The following SNTB1 variants were observed in gnomAD, a reference collection of about 807,000 sequenced individuals.
The protein encoded by SNTB1 is beta-1-syntrophin.
A neutral mutation model predicts 48.9 loss-of-function variants in SNTB1; 36 were observed. The observed-to-expected ratio is 0.74, with a 90% CI of 0.56 to 0.97. The LOEUF is 0.97. Among genes scored for constraint, SNTB1 ranks in the 50% least tolerant of loss-of-function variants. The pLI is 0.00. For missense variants in SNTB1, 786 were observed against 703.4 expected, an observed-to-expected ratio of 1.12 and a Z score of -1.33; for synonymous variants, 299 against 294.6, an observed-to-expected ratio of 1.01 and a Z score of -0.15.
chr8:120,656,234 C>T (rs1255386687), intron 2 of SNTB1, among the ~76,000 whole-genome samples: 1 of 152,046 alleles, frequency 6.6e-6, no homozygotes, highest in Admixed American at 6.6e-5. Context: ...GAAAAAGAAA[C>T]CAGAAGAGGT....
intron 3 of SNTB1, among the ~76,000 whole-genome samples, chr8:120,616,795 T>G (rs1259425490): frequency 6.6e-6 from 1 of 152,210 alleles, no homozygotes. Context: ...CAAAGAGTAG[T>G]TTTTATTCTC....
At chr8:120,757,034 A>G (rs569629222) in intron 1 of SNTB1, among the ~76,000 whole-genome samples, 68 of 152,316 alleles carry the variant, frequency 4.5e-4, no homozygotes, top group African/African-American at 1.6e-3. Context: ...TTGATATAAG[A>G]ATAATAATGA....
intron 3 of SNTB1, among the ~76,000 whole-genome samples, chr8:120,621,143 A>G (rs955870196): frequency 6.6e-6 from 1 of 151,770 alleles, no homozygotes; most frequent in African/African-American, 2.4e-5. Flanking sequence ...TATTTTCAGT[A>G]GAGACGAGGT....
chr8:120,734,792 A>T (rs1268312604), intron 1 of SNTB1, among the ~76,000 whole-genome samples: 1 of 152,218 alleles, frequency 6.6e-6, no homozygotes, highest in Non-Finnish European at 1.5e-5. Flanking sequence ...ACTAAACTGG[A>T]TGATGGCTGC....
At chr8:120,600,823 A>G (rs1816410317) in intron 3 of SNTB1, among the ~76,000 whole-genome samples, 1 of 151,592 alleles carries the variant, frequency 6.6e-6, no homozygotes, top group Non-Finnish European at 1.5e-5. Context: ...CTGTGGGGTG[A>G]AGGAAGCACA....
At chr8:120,661,185 T>G (rs1817581781) in intron 2 of SNTB1, among the ~76,000 whole-genome samples, 1 of 150,508 alleles carries the variant, frequency 6.6e-6, no homozygotes, top group Non-Finnish European at 1.5e-5. Context: ...GTCACAAACC[T>G]TCAATTTGTT....
chr8:120,706,676 T>C (rs1305788391), intron 1 of SNTB1, among the ~76,000 whole-genome samples: 1 of 152,190 alleles, frequency 6.6e-6, no homozygotes. Context: ...TACTCTTTGC[T>C]AGACAGAAGA....
chr8:120,593,793 T>C (rs1029271869), intron 3 of SNTB1, among the ~76,000 whole-genome samples: 43 of 152,204 alleles, frequency 2.8e-4, no homozygotes, highest in South Asian at 1.2e-3. Flanking sequence ...AATCACCTCA[T>C]CTGGAAAGCT....
Position 120,582,763 on chromosome 8 carries a change from A to G in SNTB1, c.997-7538T>C, listed in dbSNP as rs548740731. ...ATCACACACTGGGGCCTGTCGGGGG[A>G]TGGGGGACAAGGGGAGGGAGAGCAT... On this transcript the variant is annotated intron_variant, in intron 3 of 6. Transcript: ENST00000517992. Among the ~76,000 whole-genome samples the G allele has an allele frequency of 9.3e-5, 14 of 150,040 alleles. No homozygotes were observed. In the South Asian group the frequency reaches 2.6e-3, roughly 28 times the overall value.
intron 2 of SNTB1, among the ~76,000 whole-genome samples, chr8:120,655,209 G>A (rs979511431): frequency 1.3e-5 from 2 of 152,052 alleles, no homozygotes; most frequent in Non-Finnish European, 1.5e-5. Flanking sequence ...AACCTTTTGC[G>A]ATAATGTCAT....
chr8:120,672,661 A>G (rs1359107986), intron 2 of SNTB1, among the ~76,000 whole-genome samples: 1 of 152,240 alleles, frequency 6.6e-6, no homozygotes, highest in Non-Finnish European at 1.5e-5. Context: ...GAAGTGACTT[A>G]TTTCACATAA....
intron 1 of SNTB1, among the ~76,000 whole-genome samples, chr8:120,713,893 C>T (rs1818509974): frequency 6.6e-6 from 1 of 152,006 alleles, no homozygotes; most frequent in Non-Finnish European, 1.5e-5. Context: ...AGATAATGTA[C>T]ATTATTACCT....
rs920187503 is a variant in SNTB1 at position 120,739,180 on chromosome 8, T to A, written c.572-45272A>T. On this transcript the variant is annotated intron_variant, in intron 1 of 6. Transcript: ENST00000517992. ...GCTCTGGAAAAACCCCAATGCATTATTTAAAAGCCTTCTCTTTTTTACCTG... is the reference window on the plus strand; with the variant it reads ...GCTCTGGAAAAACCCCAATGCATTAATTAAAAGCCTTCTCTTTTTTACCTG... Among the ~76,000 whole-genome samples the A allele has an allele frequency of 2.0e-5, 3 of 152,218 alleles. No individual in the cohort carries two copies. In the East Asian group the frequency reaches 5.8e-4, roughly 29 times the overall value.
chr8:120,780,360 C>T (rs1587157253), intron 1 of SNTB1, among the ~76,000 whole-genome samples: 1 of 152,190 alleles, frequency 6.6e-6, no homozygotes, highest in African/African-American at 2.4e-5. Flanking sequence ...CCATTAACAT[C>T]AGTGTTTTCT....
At chr8:120,692,211 T>C (rs1818140577) in intron 2 of SNTB1, among the ~76,000 whole-genome samples, 1 of 152,136 alleles carries the variant, frequency 6.6e-6, no homozygotes, top group South Asian at 2.1e-4. Context: ...GGCAGCGTCC[T>C]TAGAGTGAGC....
In SNTB1 at chr8:120,811,329, G is replaced by A. The variant is rs778131866; in HGVS notation, c.515C>T (p.Thr172Ile). 6.2e-7 allele frequency: 1 copy of A among 1,611,712 alleles called. No individual in the cohort carries two copies. Among genetic ancestry groups the A allele is most frequent in the Non-Finnish European group, 8.5e-7 (1 of 1,179,750 alleles). ...CAACGCCTGCACCGCCTCGTCGTGG[G>A]TGGCGTCCCGCAGGTCGGCTCCGTT... is the stretch of plus-strand genomic sequence containing the variant. ...SVNGADLRDATHDEAVQALKR... is the reference protein window; with the variant it reads ...SVNGADLRDAIHDEAVQALKR... Residue 172 changes from threonine (T) to isoleucine (I), a missense_variant, in exon 1 of 7, where the codon ACC (threonine) becomes ATC (isoleucine). Coordinates refer to ENST00000517992, the MANE Select transcript of SNTB1 (RefSeq NM_021021.4).
intron 2 of SNTB1, among the ~76,000 whole-genome samples, chr8:120,651,564 T>G (rs1817411478): frequency 6.6e-6 from 1 of 152,236 alleles, no homozygotes; most frequent in Non-Finnish European, 1.5e-5. Flanking sequence ...GTTTCATTTT[T>G]TTAGTAGGTT....
At chr8:120,727,852 T>C (rs1587118500) in intron 1 of SNTB1, among the ~76,000 whole-genome samples, 2 of 152,296 alleles carry the variant, frequency 1.3e-5, no homozygotes, top group Admixed American at 1.3e-4. Context: ...CTATACCATA[T>C]AGCTTCCTAT....
At chr8:120,693,617 T>G in intron 2 of SNTB1, 75 bp downstream of exon 2, 1 of 1,261,402 alleles carries the variant, frequency 7.9e-7, no homozygotes, top group Non-Finnish European at 1.2e-6. Context: ...ATGAGGGCAA[T>G]CTCGTGAAAG....
Sources: gnomAD v4.1 joint callset for allele counts (sites outside exome capture counted in the v4.1 genomes callset) on GRCh38, gnomAD v4.1.1 for gene constraint, MANE v1.5 for transcripts, NCBI Gene and HGNC (gene_info 2026-07-23, HGNC 2026-07-21) for gene names.